ARL15: variants seen among roughly 807,000 people sequenced by gnomAD.
ARL15 encodes the protein ARF like GTPase 15, also known as ADP-ribosylation factor-like protein 15.
In ARL15, 19 loss-of-function variants were observed where a neutral mutation model predicts 25.2. That is an observed-to-expected ratio of 0.75 (90% CI 0.53 to 1.10). ARL15 has a LOEUF of 1.10. ARL15 is among the 50% of genes least tolerant of loss of function. ARL15 has a pLI of 0.00. For missense variants in ARL15, 220 were observed against 246.0 expected (o/e 0.89, Z 0.71); for synonymous variants, 94 against 86.8 (o/e 1.08, Z -0.46).
intron 4 of ARL15, among the ~76,000 whole-genome samples, chr5:53,915,059 C>T (rs1561147419): frequency 2.0e-5 from 3 of 152,228 alleles, no homozygotes; most frequent in African/African-American, 7.2e-5. Flanking sequence ...GATCAACCCG[C>T]CTTGGCCTCC....
intron 4 of ARL15, among the ~76,000 whole-genome samples, chr5:54,078,197 G>T (rs528255930): frequency 1.3e-5 from 2 of 152,212 alleles, no homozygotes; most frequent in South Asian, 2.1e-4. Context: ...TCTCATTACT[G>T]AATCTCATCT....
At chr5:54,153,973 G>T (rs1221858158) in intron 3 of ARL15, among the ~76,000 whole-genome samples, 2 of 152,088 alleles carry the variant, frequency 1.3e-5, no homozygotes, top group East Asian at 3.9e-4. Flanking sequence ...AATTTAGTGG[G>T]TTCACTGAAT....
chr5:54,123,906 A>T (rs191248095), intron 3 of ARL15, among the ~76,000 whole-genome samples: 3 of 152,350 alleles, frequency 2.0e-5, no homozygotes, highest in Admixed American at 2.0e-4. Context: ...AAAGAGAGTG[A>T]CACAGCATTA....
intron 1 of ARL15, among the ~76,000 whole-genome samples, chr5:54,265,403 G>A (rs1389464609): frequency 1.3e-5 from 2 of 152,126 alleles, no homozygotes; most frequent in Non-Finnish European, 2.9e-5. Context: ...GGACATTTTA[G>A]GGGACATAAA....
chr5:54,213,966 G>A lies in ARL15; in HGVS notation c.49-42038C>T, dbSNP rs62372187. ...GCTACAACTTATCAGATATACTTAC[G>A]ACTAAATTTGAACACATATATGAGA... On this transcript the variant is annotated intron_variant, in intron 1 of 4. Transcript: ENST00000504924. Among the ~76,000 whole-genome samples, 135 of 152,128 alleles carry A rather than the reference G, an allele frequency of 8.9e-4. 1 individual carries two copies. Among genetic ancestry groups the A allele is most frequent in the Non-Finnish European group, 1.3e-3 (87 of 67,988 alleles).
intron 1 of ARL15, among the ~76,000 whole-genome samples, chr5:54,283,918 A>T (rs1287742198): frequency 6.6e-6 from 1 of 152,070 alleles, no homozygotes; most frequent in African/African-American, 2.4e-5. Context: ...TGCCTTTCCT[A>T]CTTCTTTTCC....
At chr5:54,134,095 C>A (rs1753521766) in intron 3 of ARL15, among the ~76,000 whole-genome samples, 1 of 152,090 alleles carries the variant, frequency 6.6e-6, no homozygotes, top group African/African-American at 2.4e-5. Flanking sequence ...TGTTATGTAA[C>A]CCTGGAGAAT....
In ARL15 at chr5:54,025,287, C is replaced by CA. The variant is rs756211559; in HGVS notation, c.462+87914dup. Among the ~76,000 whole-genome samples the CA allele has an allele frequency of 4.5e-3, 359 of 80,006 alleles. 2 individuals carry two copies. The highest frequency in any genetic ancestry group is 0.013 in the African/African-American group (210 of 16,586). 52.5% of individuals were successfully genotyped at this position (80,006 alleles called of 152,430 possible). A position where few individuals can be genotyped will look rare whatever the true frequency, so the allele number is the denominator to read the frequency against. ...TATGATTGCAGAGAGACAAAGGGACCAAAAAAAAAAAAAAAAAAAAGCAAA... is the reference window on the plus strand; with the variant it reads ...TATGATTGCAGAGAGACAAAGGGACCAAAAAAAAAAAAAAAAAAAAAGCAAA... On this transcript the variant is annotated intron_variant, in intron 4 of 4. Transcript: ENST00000504924.
chr5:54,157,050 C>T (rs773440893), intron 2 of ARL15, among the ~76,000 whole-genome samples: 1 of 152,220 alleles, frequency 6.6e-6, no homozygotes, highest in Non-Finnish European at 1.5e-5. Context: ...ATGAAAAGCT[C>T]TCTGCAAATA....
At chr5:53,937,294 TACACAC>T (rs10647066) in intron 4 of ARL15, among the ~76,000 whole-genome samples, 6 of 149,558 alleles carry the variant, frequency 4.0e-5, no homozygotes, top group East Asian at 2.0e-4. Context: ...CGCCTGCGCA[TACACAC>T]ACACACACAC....
chr5:54,110,308 T>C (rs1752703182), intron 4 of ARL15, among the ~76,000 whole-genome samples: 1 of 152,040 alleles, frequency 6.6e-6, no homozygotes, highest in Admixed American at 6.5e-5. Flanking sequence ...TCTCCCCACT[T>C]CTAAAGTCAA....
At chr5:54,039,213 A>G (rs1750258524) in intron 4 of ARL15, among the ~76,000 whole-genome samples, 1 of 152,148 alleles carries the variant, frequency 6.6e-6, no homozygotes, top group South Asian at 2.1e-4. Context: ...TACCTTGTAT[A>G]GTGAGGCTGT....
intron 4 of ARL15, among the ~76,000 whole-genome samples, chr5:54,111,151 T>C (rs754871297): frequency 1.3e-5 from 2 of 152,018 alleles, no homozygotes; most frequent in Non-Finnish European, 2.9e-5. Context: ...GGAAAAATGC[T>C]TTACTTAAAG....
At chr5:54,266,687 T>C (rs1243924607) in intron 1 of ARL15, among the ~76,000 whole-genome samples, 2 of 152,174 alleles carry the variant, frequency 1.3e-5, no homozygotes, top group Non-Finnish European at 2.9e-5. Context: ...TTTAGAAATA[T>C]AGTCAATTAA....
At chr5:53,909,652 G>C (rs1206622141) in intron 4 of ARL15, among the ~76,000 whole-genome samples, 7 of 152,192 alleles carry the variant, frequency 4.6e-5, no homozygotes, top group African/African-American at 7.2e-5. Flanking sequence ...GCTGTGGTGA[G>C]CCAAAATCAC....
intron 1 of ARL15, among the ~76,000 whole-genome samples, chr5:54,299,149 G>A (rs1011953227): frequency 2.0e-5 from 3 of 151,990 alleles, no homozygotes; most frequent in South Asian, 2.1e-4. Context: ...TGATCCTCCC[G>A]CCTTGGCCTC....
At chr5:53,948,208 G>C (rs1746814120) in intron 4 of ARL15, among the ~76,000 whole-genome samples, 1 of 152,196 alleles carries the variant, frequency 6.6e-6, no homozygotes, top group Non-Finnish European at 1.5e-5. Context: ...GGGAACAGAG[G>C]ACAGATAATG....
At chr5:54,071,469 T>C (rs1267278284) in intron 4 of ARL15, among the ~76,000 whole-genome samples, 1 of 148,914 alleles carries the variant, frequency 6.7e-6, no homozygotes, top group East Asian at 2.0e-4. Context: ...TAAATCAGAT[T>C]TTTTTTTCAA....
intron 4 of ARL15, among the ~76,000 whole-genome samples, chr5:53,923,813 C>T (rs1012381128): frequency 1.3e-5 from 2 of 151,930 alleles, no homozygotes; most frequent in South Asian, 2.1e-4. Context: ...TGCAGTGAGC[C>T]GAGGTTGCGC....
Sources: gnomAD v4.1 joint callset for allele counts (sites outside exome capture counted in the v4.1 genomes callset) on GRCh38, gnomAD v4.1.1 for gene constraint, MANE v1.5 for transcripts, NCBI Gene and HGNC (gene_info 2026-07-23, HGNC 2026-07-21) for gene names.